Variants in XKR6 observed in about 807,000 individuals in gnomAD.
The protein encoded by XKR6 is XK related 6.
Under a neutral mutation model 56.7 loss-of-function variants are expected in XKR6, and 22 were observed. The ratio of observed to expected loss-of-function variants is 0.39; its 90% CI spans 0.28 to 0.55. XKR6 has a LOEUF of 0.55. Ranked by LOEUF, XKR6 falls within the 20% of genes least tolerant of loss-of-function variation. The pLI, the probability that XKR6 is intolerant of heterozygous loss-of-function variation, is 0.66. For missense variants in XKR6, 852 were observed against 889.0 expected, an observed-to-expected ratio of 0.96 and a Z score of 0.53; for synonymous variants, 524 against 387.8, an observed-to-expected ratio of 1.35 and a Z score of -4.13.
chr8:10,938,239 A>G (rs376692624), intron 1 of XKR6, among the ~76,000 whole-genome samples: 15 of 152,112 alleles, frequency 9.9e-5, no homozygotes, highest in East Asian at 9.7e-4. Context: ...AGGTGAGACA[A>G]TGCCTCGCCC....
intron 1 of XKR6, among the ~76,000 whole-genome samples, chr8:11,151,442 A>G (rs1284461390): frequency 6.6e-6 from 1 of 152,196 alleles, no homozygotes; most frequent in Non-Finnish European, 1.5e-5. Context: ...CATTTGCTGT[A>G]ATTTTCTATT....
At chr8:11,009,195 T>C (rs991457836) in intron 1 of XKR6, among the ~76,000 whole-genome samples, 6 of 152,124 alleles carry the variant, frequency 3.9e-5, no homozygotes, top group Admixed American at 3.3e-4. Context: ...GGTGCATGTC[T>C]CTTTCGCCCT....
In XKR6 at chr8:11,018,419, C is replaced by T. The variant is rs1008580530; in HGVS notation, c.765-93589G>A. Reference sequence around the variant, plus strand: ...CCCCTGCACAAACTCAGGAAGGGAGCGATGGCAAGAGAGGGAGGCCAGATG... The same window carrying T: ...CCCCTGCACAAACTCAGGAAGGGAGTGATGGCAAGAGAGGGAGGCCAGATG... On this transcript the variant is annotated intron_variant, in intron 1 of 2. Transcript: ENST00000416569. Among the ~76,000 whole-genome samples the T allele has an allele frequency of 3.9e-5, 6 of 152,274 alleles. 1 individual carries two copies. Among genetic ancestry groups the T allele is most frequent in the Middle Eastern group, 6.8e-3 (2 of 294 alleles).
intron 1 of XKR6, among the ~76,000 whole-genome samples, chr8:11,178,644 T>C (rs1300995610): frequency 7.6e-6 from 1 of 131,968 alleles, no homozygotes; most frequent in Non-Finnish European, 1.5e-5. Context: ...TATATACACA[T>C]ACACACAAAT....
chr8:11,155,768 A>G (rs906387961), intron 1 of XKR6, among the ~76,000 whole-genome samples: 1 of 152,044 alleles, frequency 6.6e-6, no homozygotes, highest in Non-Finnish European at 1.5e-5. Context: ...ACTTTGTCCC[A>G]CTCCATTCCA....
intron 1 of XKR6, among the ~76,000 whole-genome samples, chr8:11,101,989 G>A (rs770567268): frequency 1.3e-5 from 2 of 152,152 alleles, no homozygotes; most frequent in African/African-American, 2.4e-5. Context: ...TGAGAAAGAG[G>A]AATGACAGCG....
rs1198370688 is a variant in XKR6 at position 11,178,373 on chromosome 8, T to C, written c.764+22203A>G. ...AAAATGAATTATCTCATGAGTCTTATGTGGCTTCGGTCATCAAGCGGCTAT... is the reference window on the plus strand; with the variant it reads ...AAAATGAATTATCTCATGAGTCTTACGTGGCTTCGGTCATCAAGCGGCTAT... On this transcript the variant is annotated intron_variant, in intron 1 of 2. Transcript: ENST00000416569. Among the ~76,000 whole-genome samples the C allele has an allele frequency of 3.3e-5, 5 of 151,964 alleles. No individual in the cohort carries two copies. The East Asian group carries it at 5.8e-4, about 18-fold the overall frequency.
intron 1 of XKR6, among the ~76,000 whole-genome samples, chr8:11,190,600 C>G (rs754863597): frequency 2.6e-5 from 4 of 152,200 alleles, no homozygotes; most frequent in Non-Finnish European, 5.9e-5. Context: ...CAAGCCTACC[C>G]TAAGCTCTGC....
At chr8:10,941,495 G>C (rs149817692) in intron 1 of XKR6, among the ~76,000 whole-genome samples, 345 of 152,326 alleles carry the variant, frequency 2.3e-3, no homozygotes, top group African/African-American at 7.3e-3. Flanking sequence ...GCACCTGTGT[G>C]AGCTGAGGTT....
At chr8:11,081,571 G>C (rs1049581121) in intron 1 of XKR6, among the ~76,000 whole-genome samples, 1 of 152,132 alleles carries the variant, frequency 6.6e-6, no homozygotes, top group African/African-American at 2.4e-5. Flanking sequence ...TCCATCTCAG[G>C]AAATTCCCAC....
chr8:11,089,391 T>G (rs1342571938), intron 1 of XKR6, among the ~76,000 whole-genome samples: 3 of 152,182 alleles, frequency 2.0e-5, no homozygotes, highest in Non-Finnish European at 4.4e-5. Context: ...AGTGTTTTAG[T>G]AGGCCGAAAT....
intron 1 of XKR6, among the ~76,000 whole-genome samples, chr8:10,944,188 C>T (rs188836452): frequency 6.6e-6 from 1 of 152,204 alleles, no homozygotes; most frequent in Non-Finnish European, 1.5e-5. Context: ...CTGATGGAAG[C>T]TGGTCTCCTT....
intron 1 of XKR6, among the ~76,000 whole-genome samples, chr8:11,093,919 G>A (rs1233094744): frequency 6.6e-6 from 1 of 151,694 alleles, no homozygotes; most frequent in African/African-American, 2.4e-5. Context: ...AAGTAGCTGG[G>A]ACTACAGGTG....
chr8:11,149,841 A>C (rs1801178654), intron 1 of XKR6, among the ~76,000 whole-genome samples: 2 of 152,372 alleles, frequency 1.3e-5, no homozygotes, highest in Admixed American at 6.5e-5. Flanking sequence ...AGTGTCTGCC[A>C]ACAGACAAAT....
chr8:11,173,649 A>G (rs943058036), intron 1 of XKR6, among the ~76,000 whole-genome samples: 3 of 152,102 alleles, frequency 2.0e-5, no homozygotes, highest in Admixed American at 6.5e-5. Flanking sequence ...TGTCCTGTAC[A>G]TGGGAAACTC....
At chr8:10,976,753 G>GTC (rs5889354) in intron 1 of XKR6, among the ~76,000 whole-genome samples, 139 of 149,292 alleles carry the variant, frequency 9.3e-4, no homozygotes, top group East Asian at 3.0e-3. Flanking sequence ...TACCTCGCCT[G>GTC]TCTCTCTCTC....
At chr8:10,907,752 T>C (rs543277529) in intron 2 of XKR6, among the ~76,000 whole-genome samples, 13 of 152,226 alleles carry the variant, frequency 8.5e-5, no homozygotes, top group Non-Finnish European at 1.6e-4. Flanking sequence ...GGTTAACATA[T>C]GTCAGCCCTC....
At chr8:11,114,021 C>A (rs185734789) in intron 1 of XKR6, 54 of 414,060 alleles carry the variant, frequency 1.3e-4, no homozygotes, top group Admixed American at 1.1e-3. Context: ...GATCGCTCAC[C>A]TTCTAGTCAG....
intron 1 of XKR6, among the ~76,000 whole-genome samples, chr8:11,092,611 C>A (rs1401359051): frequency 6.6e-6 from 1 of 152,100 alleles, no homozygotes; most frequent in Non-Finnish European, 1.5e-5. Context: ...GGGAGCTGGC[C>A]ATGGTCCTGC....
Sources: gnomAD v4.1 joint callset for allele counts (sites outside exome capture counted in the v4.1 genomes callset) on GRCh38, gnomAD v4.1.1 for gene constraint, MANE v1.5 for transcripts, NCBI Gene and HGNC (gene_info 2026-07-23, HGNC 2026-07-21) for gene names.